Variants in PHF12 observed in about 807,000 individuals in gnomAD.
The protein encoded by PHF12 is PHD finger protein 12.
Under a neutral mutation model 99.8 loss-of-function variants are expected in PHF12, and 6 were observed. That is an observed-to-expected ratio of 0.06 (90% CI 0.03 to 0.12). The LOEUF (loss-of-function observed/expected upper bound fraction) is 0.12. Among genes scored for constraint, PHF12 ranks in the 10% least tolerant of loss-of-function variants. The pLI is 1.00. For synonymous variants in PHF12, 480 were observed against 514.9 expected, an observed-to-expected ratio of 0.93 and a Z score of 0.92; for missense variants, 954 against 1,300.1, an observed-to-expected ratio of 0.73 and a Z score of 4.09.
intron 10 of PHF12, 106 bp from the exon 11 acceptor site, chr17:28,910,475 A>C: frequency 7.4e-7 from 1 of 1,353,568 alleles, no homozygotes; most frequent in Non-Finnish European, 1.0e-6. Flanking sequence ...AAATCCAGCC[A>C]AGTGATTTTT....
At chr17:28,932,141 C>CT (rs1408440155) in intron 2 of PHF12, among the ~76,000 whole-genome samples, 2 of 151,668 alleles carry the variant, frequency 1.3e-5, no homozygotes, top group African/African-American at 2.4e-5. Context: ...AAACTTCTAT[C>CT]TTTTTTTTGA....
intron 5 of PHF12, among the ~76,000 whole-genome samples, chr17:28,920,146 C>T (rs1470549735): frequency 6.6e-6 from 1 of 152,198 alleles, no homozygotes; most frequent in African/African-American, 2.4e-5. Context: ...CAAATGACAA[C>T]TACGATTTGT....
intron 2 of PHF12, among the ~76,000 whole-genome samples, chr17:28,939,125 G>A (rs1806982): frequency 0.14 from 20,777 of 152,246 alleles, 1,519 homozygotes; most frequent in South Asian, 0.23. Context: ...TCAGATGCCT[G>A]ATATCACAGA....
In PHF12 at chr17:28,913,082, G is replaced by A; in HGVS notation, c.1489C>T (p.Pro497Ser). Reference sequence around the variant, plus strand: ...GAATTCTGGGTGCTAATCCCTGAGGGGCAGGACAAGGGGTAGTGGGAAGGT... The same window carrying A: ...GAATTCTGGGTGCTAATCCCTGAGGAGCAGGACAAGGGGTAGTGGGAAGGT... ...PTPSHYPLSCPSGISTQNSLS... is the reference protein window; with the variant it reads ...PTPSHYPLSCSSGISTQNSLS... The change falls in exon 9 of 15, where the codon CCC becomes TCC. Residue 497 changes from proline (P) to serine (S), a missense_variant. By Grantham distance (74) the Pro-to-Ser change is moderately conservative (BLOSUM62 -1). Coordinates refer to ENST00000332830, the MANE Select transcript of PHF12 (RefSeq NM_001033561.2). The A allele has an allele frequency of 1.9e-6, 3 of 1,614,222 alleles. No homozygotes were observed. Among genetic ancestry groups the A allele is most frequent in the Non-Finnish European group, 2.5e-6 (3 of 1,180,030 alleles).
intron 10 of PHF12, 136 bp from the exon 11 acceptor site, chr17:28,910,505 C>T: frequency 9.3e-7 from 1 of 1,077,792 alleles, no homozygotes; most frequent in Non-Finnish European, 1.3e-6. Flanking sequence ...GCATTGAGTG[C>T]AGAGCGTACA....
intron 2 of PHF12, among the ~76,000 whole-genome samples, chr17:28,940,154 A>G (rs558656337): frequency 6.6e-6 from 1 of 152,362 alleles, no homozygotes; most frequent in South Asian, 2.1e-4. Context: ...TAATTAGGGG[A>G]AAAGAAATTT....
chr17:28,943,330 A>C (rs918560487), intron 2 of PHF12, among the ~76,000 whole-genome samples: 1 of 152,182 alleles, frequency 6.6e-6, no homozygotes, highest in African/African-American at 2.4e-5. Context: ...GAAAACTTGC[A>C]CATAAAAACT....
chr17:28,948,874 A>C (rs1486486556), intron 2 of PHF12, among the ~76,000 whole-genome samples: 1 of 152,186 alleles, frequency 6.6e-6, no homozygotes, highest in East Asian at 1.9e-4. Flanking sequence ...CAACTGTTGC[A>C]GAACAACAGA....
chr17:28,916,769 G>A (rs1315119418), intron 7 of PHF12, among the ~76,000 whole-genome samples: 2 of 152,122 alleles, frequency 1.3e-5, no homozygotes, highest in East Asian at 3.8e-4. Context: ...TAAATATTAG[G>A]CATTATTACA....
At chr17:28,927,137 C>A in intron 2 of PHF12, 74 bp from the exon 3 acceptor site, 1 of 1,393,492 alleles carries the variant, frequency 7.2e-7, no homozygotes, top group South Asian at 1.3e-5. Flanking sequence ...GCTAGGTTTG[C>A]ATGTTCCTAA....
intron 5 of PHF12, among the ~76,000 whole-genome samples, chr17:28,919,839 A>G (rs1176181502): frequency 6.6e-6 from 1 of 152,222 alleles, no homozygotes; most frequent in African/African-American, 2.4e-5. Context: ...TAAGAAGAAC[A>G]TGTCTTGCGG....
At chr17:28,909,813 A>G (rs1279715068) in intron 11 of PHF12, 2 of 521,832 alleles carry the variant, frequency 3.8e-6, no homozygotes, top group Non-Finnish European at 6.8e-6. Context: ...CTGGTCTCCA[A>G]CTCCTGGGCT....
At chr17:28,917,521 CTG>C in intron 6 of PHF12, 72 bp from the exon 7 acceptor site, 1 of 1,498,292 alleles carries the variant, frequency 6.7e-7, no homozygotes, top group Non-Finnish European at 8.9e-7. Flanking sequence ...ACCCCATTCC[CTG>C]TGTTTAAAAA....
intron 6 of PHF12, among the ~76,000 whole-genome samples, chr17:28,918,631 C>G (rs748988110): frequency 6.6e-6 from 1 of 152,238 alleles, no homozygotes; most frequent in Non-Finnish European, 1.5e-5. Context: ...ACTGTTCTAA[C>G]TGCCTATAAA....
At chr17:28,919,624 C>T (rs150468132) in intron 5 of PHF12, among the ~76,000 whole-genome samples, 5,517 of 152,228 alleles carry the variant, frequency 0.036, 303 homozygotes, top group African/African-American at 0.12. Flanking sequence ...CCTGTAATCC[C>T]AGCTACTCGG....
rs2039877855 is a variant in PHF12, at chr17:28,906,715, C to T, written c.2680+141G>A. 26 of 1,358,166 alleles carry T rather than the reference C, an allele frequency of 1.9e-5. No homozygotes were observed. In the South Asian group the frequency reaches 3.6e-4, roughly 19 times the overall value. 84.1% of individuals were successfully genotyped at this position (1,358,166 alleles called of 1,614,324 possible). ...ATGGGGGTACTCAGCACTTGCTTCTCTGTGGCCTGCCCTGGGCCCACGAGG... is the reference window on the plus strand; with the variant it reads ...ATGGGGGTACTCAGCACTTGCTTCTTTGTGGCCTGCCCTGGGCCCACGAGG... On this transcript the variant is annotated intron_variant, in intron 14 of 14. Coordinates refer to ENST00000332830, the MANE Select transcript of PHF12 (RefSeq NM_001033561.2). This position sits in a 1 kb window ranked among gnomAD's most constrained non-coding sequence, Gnocchi z 4.2.
intron 2 of PHF12, among the ~76,000 whole-genome samples, chr17:28,940,806 C>T (rs1320076339): frequency 6.6e-6 from 1 of 152,176 alleles, no homozygotes; most frequent in Non-Finnish European, 1.5e-5. Context: ...TCTGCAATAC[C>T]AAAGTGGCTT....
intron 10 of PHF12, 127 bp from the exon 11 acceptor site, chr17:28,910,496 C>T: frequency 8.8e-7 from 1 of 1,141,308 alleles, no homozygotes; most frequent in Non-Finnish European, 1.2e-6. Flanking sequence ...ACTCAAACAG[C>T]ATTGAGTGCA....
chr17:28,910,119 G>A lies in PHF12; in HGVS notation c.2359+107C>T, dbSNP rs138544376. ...TATTAAGCCCATGAAAAGCACACAA[G>A]GAGGTTTGAGATACTGGAAGCTCAG... On this transcript the variant is annotated intron_variant, in intron 11 of 14. Coordinates refer to ENST00000332830, the MANE Select transcript of PHF12 (RefSeq NM_001033561.2). 593 of 1,500,378 alleles carry A rather than the reference G, an allele frequency of 4.0e-4. 2 individuals carry two copies. In the African/African-American group the frequency reaches 7.3e-3, roughly 18 times the overall value. 92.9% of individuals were successfully genotyped at this position (1,500,378 alleles called of 1,614,324 possible). A position where few individuals can be genotyped will look rare whatever the true frequency, so the allele number is the denominator to read the frequency against.
Sources: gnomAD v4.1 joint callset for allele counts (sites outside exome capture counted in the v4.1 genomes callset) on GRCh38, gnomAD v4.1.1 for gene constraint, Gnocchi (gnomAD v3.1) non-coding constraint, MANE v1.5 for transcripts, NCBI Gene and HGNC (gene_info 2026-07-23, HGNC 2026-07-21) for gene names.